The following GNB1 variants were observed in gnomAD, a reference collection of about 807,000 sequenced individuals.
The protein encoded by GNB1 is G protein subunit beta 1, also known as guanine nucleotide-binding protein G(I)/G(S)/G(T) subunit beta-1.
In GNB1, 2 loss-of-function variants were observed where a neutral mutation model predicts 42.9. The ratio of observed to expected loss-of-function variants is 0.05; its 90% CI spans 0.02 to 0.15. GNB1 has a LOEUF of 0.15. Ranked by LOEUF, GNB1 falls within the 10% of genes least tolerant of loss-of-function variation. The probability of loss-of-function intolerance (pLI) is 1.00; values close to 1 mark genes in which losing one functional copy is unlikely to be tolerated. For synonymous variants in GNB1, 183 were observed against 174.7 expected, an observed-to-expected ratio of 1.05 and a Z score of -0.38; for missense variants, 193 against 462.2, an observed-to-expected ratio of 0.42 and a Z score of 5.34.
intron 2 of GNB1, among the ~76,000 whole-genome samples, chr1:1,830,749 G>T (rs1647064817): frequency 6.6e-6 from 1 of 151,994 alleles, no homozygotes; most frequent in Admixed American, 6.6e-5. Context: ...GCCTTGCTAT[G>T]TTGCCCGGGC....
At chr1:1,847,338 T>C (rs1414127375) in intron 1 of GNB1, among the ~76,000 whole-genome samples, 1 of 152,218 alleles carries the variant, frequency 6.6e-6, no homozygotes, top group Non-Finnish European at 1.5e-5. Flanking sequence ...ATGTTCTTTG[T>C]CTGCAGTCAG....
chr1:1,816,891 A>G (rs943443812), intron 4 of GNB1, among the ~76,000 whole-genome samples: 1 of 151,960 alleles, frequency 6.6e-6, no homozygotes, highest in Non-Finnish European at 1.5e-5. Context: ...CAAGTGATCC[A>G]CCTGCCTCGG....
intron 1 of GNB1, among the ~76,000 whole-genome samples, chr1:1,853,075 C>A (rs1648079215): frequency 6.6e-6 from 1 of 152,158 alleles, no homozygotes; most frequent in Admixed American, 6.6e-5. Flanking sequence ...GCAGCACAGA[C>A]TCAAGCCTCC....
At chr1:1,831,325 A>T (rs1224703488) in intron 2 of GNB1, among the ~76,000 whole-genome samples, 1 of 152,230 alleles carries the variant, frequency 6.6e-6, no homozygotes, top group African/African-American at 2.4e-5. Context: ...CAACAGAGCA[A>T]GATCCTGTCT....
intron 1 of GNB1, among the ~76,000 whole-genome samples, chr1:1,857,541 A>G (rs1473114942): frequency 6.6e-6 from 1 of 152,146 alleles, no homozygotes; most frequent in East Asian, 1.9e-4. Flanking sequence ...GGGAGGATAC[A>G]GCAAGTCCTG....
intron 1 of GNB1, among the ~76,000 whole-genome samples, chr1:1,862,438 T>A (rs1215932129): frequency 6.6e-6 from 1 of 152,070 alleles, no homozygotes; most frequent in Non-Finnish European, 1.5e-5. Context: ...CTAAGTCTAT[T>A]ACCCGGTAGT....
chr1:1,855,795 A>G (rs375827724), intron 1 of GNB1, among the ~76,000 whole-genome samples: 2 of 152,254 alleles, frequency 1.3e-5, no homozygotes, highest in Non-Finnish European at 2.9e-5. Context: ...ACCTGGGGAA[A>G]GAGAGACACC....
intron 7 of GNB1, among the ~76,000 whole-genome samples, chr1:1,800,885 T>C (rs1000187595): frequency 1.3e-5 from 2 of 152,244 alleles, no homozygotes; most frequent in Non-Finnish European, 2.9e-5. Flanking sequence ...AGTGCTTTGC[T>C]AGCAGCAGAC....
chr1:1,788,020 C>G (rs1646429723), intron 10 of GNB1: 1 of 147,634 alleles, frequency 6.8e-6, no homozygotes, highest in Non-Finnish European at 1.5e-5. Context: ...CAGAGCGAGA[C>G]TCCATCTCAA....
At chr1:1,797,197 G>A (rs1646557911) in intron 7 of GNB1, among the ~76,000 whole-genome samples, 1 of 152,282 alleles carries the variant, frequency 6.6e-6, no homozygotes, top group Middle Eastern at 3.4e-3. Flanking sequence ...GGCGTTTGCT[G>A]CAGCAATGTT....
In GNB1 at chr1:1,794,444, A is replaced by G. The variant is rs80008930; in HGVS notation, c.431-1133T>C. ...ACAAACCAGTTAGTGTGTGCCCAGG[A>G]TTGGTGACAGACTGGCCCTAATCTG... On this transcript the variant is annotated intron_variant, in intron 7 of 11. Coordinates refer to ENST00000378609, the MANE Select transcript of GNB1 (RefSeq NM_002074.5). Among the ~76,000 whole-genome samples, 1,317 of 152,246 alleles carry G rather than the reference A, an allele frequency of 8.7e-3. 22 individuals are homozygous for G. Among genetic ancestry groups the G allele is most frequent in the African/African-American group, 0.03 (1,262 of 41,560 alleles).
At chr1:1,886,703 A>T (rs1650175965) in intron 1 of GNB1, among the ~76,000 whole-genome samples, 1 of 151,974 alleles carries the variant, frequency 6.6e-6, no homozygotes, top group Non-Finnish European at 1.5e-5. Flanking sequence ...CCAGTTTAAA[A>T]TTTTTTTTAT....
intron 3 of GNB1, among the ~76,000 whole-genome samples, chr1:1,820,356 TAAAAAAA>T (rs35466451): frequency 1.3e-3 from 130 of 101,870 alleles, no homozygotes; most frequent in African/African-American, 4.1e-3. Flanking sequence ...AGACTCTGTT[TAAAAAAA>T]AAAAAAAAAA....
Position 1,790,928 on chromosome 1 carries a change from TGGGCATGGAA to T in GNB1, c.498-342_498-333del, listed in dbSNP as rs1646473433. 1.3e-5 allele frequency among the ~76,000 whole-genome samples: 2 copies of T among 152,132 alleles called. No homozygotes were observed. The highest frequency in any genetic ancestry group is 4.2e-4 in the South Asian group (2 of 4,808). On this transcript the variant is annotated intron_variant, in intron 8 of 11. Transcript: ENST00000378609. This position sits in a 1 kb window ranked among gnomAD's most constrained non-coding sequence, Gnocchi z 5.4. ...GCTGTGCCCCCTCTTTGGTCATGGATGGGCATGGAAGGGGTGGCAGGAAGCTACGTGGAGG... is the reference window on the plus strand; with the variant it reads ...GCTGTGCCCCCTCTTTGGTCATGGATGGGGTGGCAGGAAGCTACGTGGAGG...
Position 1,787,940 on chromosome 1 carries a change from A to C in GNB1, c.917-503T>G, listed in dbSNP as rs1224957627. Reference sequence around the variant, plus strand: ...GCTACTCAGGAGGCTAGGGTAGGAGAATCATTGGAACCCAGGAGGTGGAGC... The same window carrying C: ...GCTACTCAGGAGGCTAGGGTAGGAGCATCATTGGAACCCAGGAGGTGGAGC... On this transcript the variant is annotated intron_variant, in intron 10 of 11. Coordinates refer to ENST00000378609, the MANE Select transcript of GNB1 (RefSeq NM_002074.5). The surrounding 1 kb of genome is among the most constrained non-coding windows in gnomAD (Gnocchi z 4.4). The C allele has an allele frequency of 6.6e-6, 1 of 151,928 alleles. No individual in the cohort carries two copies. The highest frequency in any genetic ancestry group is 1.5e-5 in the Non-Finnish European group (1 of 68,036). The allele number at this position is 151,928 out of a possible 1,614,324, so 9.4% of individuals were successfully genotyped here.
chr1:1,845,632 T>C (rs1042480466), intron 1 of GNB1, among the ~76,000 whole-genome samples: 1 of 151,946 alleles, frequency 6.6e-6, no homozygotes, highest in African/African-American at 2.4e-5. Flanking sequence ...AATATTAATA[T>C]GGATATGTAT....
intron 4 of GNB1, among the ~76,000 whole-genome samples, chr1:1,816,596 T>C (rs1646859822): frequency 6.6e-6 from 1 of 151,924 alleles, no homozygotes; most frequent in Non-Finnish European, 1.5e-5. Flanking sequence ...AGGAATATAG[T>C]TTTTCTTTCA....
intron 1 of GNB1, among the ~76,000 whole-genome samples, chr1:1,889,127 T>C (rs1029307444): frequency 6.6e-6 from 1 of 152,146 alleles, no homozygotes; most frequent in African/African-American, 2.4e-5. Context: ...GATTAGAAAA[T>C]AACTTATGCA....
rs944375220 is a variant in GNB1, at chr1:1,865,595, T to C, written c.-96+25225A>G. Reference sequence around the variant, plus strand: ...AGTGAGACTCCATCTCAAAAAGAACTACCGGATTACAGTTATGTTATGTTC... The same window carrying C: ...AGTGAGACTCCATCTCAAAAAGAACCACCGGATTACAGTTATGTTATGTTC... On this transcript the variant is annotated intron_variant, in intron 1 of 11. Transcript: ENST00000378609. Among the ~76,000 whole-genome samples the C allele has an allele frequency of 1.2e-3, 181 of 152,032 alleles. 2 individuals carry two copies. The highest frequency in any genetic ancestry group is 0.012 in the Admixed American group (178 of 15,228).
Sources: allele counts gnomAD v4.1 joint callset (sites outside exome capture counted in the v4.1 genomes callset), GRCh38; gene constraint gnomAD v4.1.1; non-coding constraint Gnocchi (gnomAD v3.1); transcripts MANE v1.5; gene names NCBI Gene and HGNC (gene_info 2026-07-23, HGNC 2026-07-21).